Variants in DNAH12 observed in about 807,000 individuals in gnomAD.
DNAH12 encodes axonemal beta dynein heavy chain 12.
Under a neutral mutation model 371.5 loss-of-function variants are expected in DNAH12, and 285 were observed. That is an observed-to-expected ratio of 0.77 (90% CI 0.70 to 0.85). DNAH12 has a LOEUF of 0.85. DNAH12 is among the 40% of genes least tolerant of loss of function. The probability of loss-of-function intolerance (pLI) is 0.00; values close to 1 mark genes in which losing one functional copy is unlikely to be tolerated. For synonymous variants in DNAH12, 1,200 were observed against 1,213.0 expected, an observed-to-expected ratio of 0.99 and a Z score of 0.22; for missense variants, 3,611 against 3,689.4, an observed-to-expected ratio of 0.98 and a Z score of 0.55.
chr3:57,296,444 A>G lies in DNAH12; in HGVS notation c.11533-9T>C, dbSNP rs1474479276. On this transcript the variant is annotated splice_polypyrimidine_tract_variant and intron_variant, in intron 71 of 73. Coordinates refer to ENST00000495027, the MANE Select transcript of DNAH12 (RefSeq NM_001366028.2). ...GTATCAGATGGGATAACCTGAAGGG[A>G]TAGGCACACACTAGCAGTGATCCTC... 4 of 1,542,402 alleles carry G rather than the reference A, an allele frequency of 2.6e-6. No homozygotes were observed. The highest frequency in any genetic ancestry group is 3.5e-6 in the Non-Finnish European group (4 of 1,139,180).
rs868571005 is a variant in DNAH12, at chr3:57,499,643, A to T, written c.1335+1678T>A. ...ACACCATCTCTACAAAAAAAAAAAA[A>T]AAAAATATATATATATATATATATA... is the stretch of plus-strand genomic sequence containing the variant. On this transcript the variant is annotated intron_variant, in intron 11 of 73. Coordinates refer to ENST00000495027, the MANE Select transcript of DNAH12 (RefSeq NM_001366028.2). Among the ~76,000 whole-genome samples, 55 of 24,588 alleles carry T rather than the reference A, an allele frequency of 2.2e-3. 2 individuals are homozygous for T. Among genetic ancestry groups the T allele is most frequent in the African/African-American group, 8.1e-3 (47 of 5,794 alleles). 16.1% of individuals were successfully genotyped at this position (24,588 alleles called of 152,430 possible).
chr3:57,496,812 T>C (rs999739050), intron 11 of DNAH12, among the ~76,000 whole-genome samples: 2 of 151,872 alleles, frequency 1.3e-5, no homozygotes, highest in African/African-American at 2.4e-5. Context: ...CTACTAAAAA[T>C]ACAAAAATTA....
At chr3:57,411,627 C>G (rs1553683076) in intron 39 of DNAH12, among the ~76,000 whole-genome samples, 4 of 142,790 alleles carry the variant, frequency 2.8e-5, no homozygotes, top group African/African-American at 1.1e-4. Flanking sequence ...ATATATCTAA[C>G]AAAATATATA....
chr3:57,316,964 T>C (rs1177536495), intron 65 of DNAH12, among the ~76,000 whole-genome samples: 1 of 152,212 alleles, frequency 6.6e-6, no homozygotes, highest in Non-Finnish European at 1.5e-5. Context: ...ATGACCTCAA[T>C]AATTTATTTA....
chr3:57,554,216 G>A, the DNAH12 span, among the ~76,000 whole-genome samples: 23 of 131,470 alleles, frequency 1.7e-4, 1 homozygote, highest in Non-Finnish European at 2.8e-4. Context: ...GAACCCGGGA[G>A]GTGGAGGCTG....
chr3:57,503,235 GCCTAGGTAACACAGTGAGA>G (rs201473260), intron 9 of DNAH12, among the ~76,000 whole-genome samples: 3,648 of 152,162 alleles, frequency 0.024, 66 homozygotes, highest in Non-Finnish European at 0.034. Context: ...CTGCATTTCA[GCCTAGGTAACACAGTGAGA>G]CCCTGTCTCA....
At chr3:57,469,018 T>C (rs1261981878) in intron 16 of DNAH12, 39 bp from the exon 17 acceptor site, 1 of 1,499,260 alleles carries the variant, frequency 6.7e-7, no homozygotes, top group Admixed American at 2.6e-5. Flanking sequence ...CTCAGACTTT[T>C]GAAGTTTGAA....
intron 13 of DNAH12, among the ~76,000 whole-genome samples, chr3:57,473,839 G>A (rs540246268): frequency 8.2e-4 from 124 of 151,980 alleles, no homozygotes; most frequent in South Asian, 1.2e-3. Context: ...CGTGTAATTC[G>A]TTATATTAAT....
intron 58 of DNAH12, among the ~76,000 whole-genome samples, chr3:57,361,724 C>T (rs2062940871): frequency 6.6e-6 from 1 of 151,622 alleles, no homozygotes; most frequent in Non-Finnish European, 1.5e-5. Flanking sequence ...TTCAATTTTC[C>T]AGAGAAGAGT....
intron 2 of DNAH12, among the ~76,000 whole-genome samples, chr3:57,535,771 A>G (rs2069015043): frequency 6.6e-6 from 1 of 150,480 alleles, no homozygotes; most frequent in African/African-American, 2.4e-5. Flanking sequence ...CGAACTCCCA[A>G]CCTCAGGTGA....
At chr3:57,454,170 C>A (rs371051245) in intron 23 of DNAH12, among the ~76,000 whole-genome samples, 1 of 151,830 alleles carries the variant, frequency 6.6e-6, no homozygotes, top group African/African-American at 2.4e-5. Context: ...TTTGTCTAAG[C>A]CCAGTAAAAT....
chr3:57,461,740 T>C, intron 18 of DNAH12, 51 bp from the exon 19 acceptor site: 1 of 1,434,710 alleles, frequency 7.0e-7, no homozygotes, highest in South Asian at 1.2e-5. Context: ...AGGATCTTAT[T>C]TACTATATTG....
chr3:57,341,515 A>G (rs1241637964), intron 60 of DNAH12, among the ~76,000 whole-genome samples: 3 of 152,128 alleles, frequency 2.0e-5, no homozygotes, highest in Admixed American at 6.5e-5. Context: ...CAAAAAATAA[A>G]ATACCTAGGA....
chr3:57,304,378 A>C (rs932509282), intron 69 of DNAH12, among the ~76,000 whole-genome samples: 6 of 152,192 alleles, frequency 3.9e-5, no homozygotes, highest in African/African-American at 1.4e-4. Context: ...CAGACCGACC[A>C]GCCCAAGGAA....
At chr3:57,387,981 T>C (rs919692279) in intron 45 of DNAH12, among the ~76,000 whole-genome samples, 1 of 152,032 alleles carries the variant, frequency 6.6e-6, no homozygotes, top group Non-Finnish European at 1.5e-5. Flanking sequence ...TGTGTTTAGG[T>C]TGGGTTTCTG....
intron 11 of DNAH12, chr3:57,493,601 T>TA (rs988237207): frequency 1.3e-5 from 2 of 151,820 alleles, no homozygotes; most frequent in Non-Finnish European, 2.9e-5. Flanking sequence ...CCAAATAAGG[T>TA]AAAAAGTATG....
At chr3:57,406,451 G>A (rs1202735058) in intron 40 of DNAH12, among the ~76,000 whole-genome samples, 8 of 151,714 alleles carry the variant, frequency 5.3e-5, no homozygotes, top group African/African-American at 1.9e-4. Flanking sequence ...TTGGCTTATA[G>A]CACTCAACCA....
intron 12 of DNAH12, among the ~76,000 whole-genome samples, chr3:57,485,846 G>A (rs144166737): frequency 6.6e-6 from 1 of 152,266 alleles, no homozygotes; most frequent in African/African-American, 2.4e-5. Context: ...TGAGAGGCAG[G>A]TGAGGGGTAA....
Position 57,309,762 on chromosome 3 carries a change from C to CTCA in DNAH12, c.10986_10988dup (p.Phe3662_Glu3663insAsp). On this transcript the variant is annotated inframe_insertion, in exon 68 of 74. Coordinates refer to ENST00000495027, the MANE Select transcript of DNAH12 (RefSeq NM_001366028.2). ...AGCCTCCCTGGGTGAGGAGCAAGGA[C>CTCA]TCAAAGAGGGTTTTTGTTTGTTGAA... is the stretch of plus-strand genomic sequence containing the variant. 1 of 1,551,440 alleles carries CTCA rather than the reference C, an allele frequency of 6.4e-7. No individual in the cohort carries two copies. The highest frequency in any genetic ancestry group is 1.2e-5 in the South Asian group (1 of 84,012).
Sources: gnomAD v4.1 joint callset for allele counts (sites outside exome capture counted in the v4.1 genomes callset) on GRCh38, gnomAD v4.1.1 for gene constraint, MANE v1.5 for transcripts, NCBI Gene and HGNC (gene_info 2026-07-23, HGNC 2026-07-21) for gene names.